Variants in LINGO2 observed in about 807,000 individuals in gnomAD.
The protein encoded by LINGO2 is leucine rich repeat and Ig domain containing 2.
In LINGO2, 14 loss-of-function variants were observed where a neutral mutation model predicts 30.6. The ratio of observed to expected loss-of-function variants is 0.46; its 90% CI spans 0.30 to 0.72. The LOEUF (loss-of-function observed/expected upper bound fraction) is 0.72, where lower values mean the gene tolerates loss of function less well. LINGO2 is among the 30% of genes least tolerant of loss of function. The probability of loss-of-function intolerance (pLI) is 0.07; values close to 1 mark genes in which losing one functional copy is unlikely to be tolerated. For synonymous variants in LINGO2, 317 were observed against 288.5 expected, an observed-to-expected ratio of 1.10 and a Z score of -1.00; for missense variants, 729 against 751.7, an observed-to-expected ratio of 0.97 and a Z score of 0.35.
downstream of LINGO2, among the ~76,000 whole-genome samples, chr9:27,946,224 G>A (rs780299688): frequency 6.6e-6 from 1 of 152,004 alleles, no homozygotes; most frequent in African/African-American, 2.4e-5. Context: ...GATTTATTAG[G>A]CTCATATAGA....
the LINGO2 span, among the ~76,000 whole-genome samples, chr9:28,862,242 T>C: frequency 6.6e-6 from 1 of 152,122 alleles, no homozygotes; most frequent in African/African-American, 2.4e-5. Flanking sequence ...TACAGTCCTA[T>C]GAAAAATAAG....
intron 4 of LINGO2, among the ~76,000 whole-genome samples, chr9:28,176,581 A>G (rs1367212947): frequency 6.6e-6 from 1 of 152,236 alleles, no homozygotes; most frequent in Non-Finnish European, 1.5e-5. Context: ...TGACATTAAT[A>G]TAACACTTCA....
At chr9:27,964,339 C>A (rs1430523142) in intron 5 of LINGO2, among the ~76,000 whole-genome samples, 2 of 152,044 alleles carry the variant, frequency 1.3e-5, no homozygotes, top group East Asian at 1.9e-4. Flanking sequence ...TTGTAAATAC[C>A]TTTCAATTAG....
In LINGO2 at chr9:28,391,565, C is replaced by T. The variant is rs1473768242; in HGVS notation, c.-278-18697G>A. ...ATTATTCTGTCTTGTCCTTGATTTTCCCCTTTTTCCTTCTTTTCACAATTT... is the reference window on the plus strand; with the variant it reads ...ATTATTCTGTCTTGTCCTTGATTTTTCCCTTTTTCCTTCTTTTCACAATTT... On this transcript the variant is annotated intron_variant, in intron 2 of 5. Transcript: ENST00000379992. Among the ~76,000 whole-genome samples, 6 of 151,268 alleles carry T rather than the reference C, an allele frequency of 4.0e-5. No homozygotes were observed. The East Asian group carries it at 1.2e-3, about 30-fold the overall frequency.
chr9:28,906,946 T>G, the LINGO2 span, among the ~76,000 whole-genome samples: 1 of 151,890 alleles, frequency 6.6e-6, no homozygotes, highest in African/African-American at 2.4e-5. Context: ...CCTAACCCAC[T>G]TTGGAAACTA....
the LINGO2 span, among the ~76,000 whole-genome samples, chr9:28,817,916 G>C: frequency 6.6e-6 from 1 of 152,096 alleles, no homozygotes; most frequent in Non-Finnish European, 1.5e-5. Flanking sequence ...TAGATAACTA[G>C]TTATATTTCT....
At chr9:28,243,384 T>A (rs1000845934) in intron 4 of LINGO2, among the ~76,000 whole-genome samples, 6 of 150,778 alleles carry the variant, frequency 4.0e-5, no homozygotes, top group Non-Finnish European at 7.4e-5. Flanking sequence ...TGCTTGAACC[T>A]GGGAGGCAGA....
At chr9:28,832,426 G>C in the LINGO2 span, among the ~76,000 whole-genome samples, 1 of 152,160 alleles carries the variant, frequency 6.6e-6, no homozygotes, top group African/African-American at 2.4e-5. Context: ...ACTAACACCA[G>C]TGATTCAACT....
chr9:28,218,361 C>T (rs139833403), intron 4 of LINGO2, among the ~76,000 whole-genome samples: 16 of 151,292 alleles, frequency 1.1e-4, no homozygotes, highest in African/African-American at 3.4e-4. Context: ...TATGCACTTA[C>T]GAAGTGGATC....
intron 4 of LINGO2, among the ~76,000 whole-genome samples, chr9:28,248,924 T>A (rs568905873): frequency 1.3e-5 from 2 of 152,208 alleles, no homozygotes; most frequent in South Asian, 4.1e-4. Context: ...AGAGAGTTAT[T>A]ATTAATCTAA....
At chr9:28,900,932 G>A in the LINGO2 span, among the ~76,000 whole-genome samples, 3 of 151,990 alleles carry the variant, frequency 2.0e-5, no homozygotes, top group Non-Finnish European at 2.9e-5. Flanking sequence ...AGTGACGAAA[G>A]TAAGAAATTG....
chr9:27,998,037 C>T (rs781218085), intron 5 of LINGO2, among the ~76,000 whole-genome samples: 1 of 152,128 alleles, frequency 6.6e-6, no homozygotes, highest in Non-Finnish European at 1.5e-5. Context: ...ATATAATGAG[C>T]TTGATACCCA....
At position 28,374,210 on chromosome 9, in the gene LINGO2, T is replaced by TA. The variant is rs1554713024; in HGVS notation, c.-278-1343_-278-1342insT. Among the ~76,000 whole-genome samples the TA allele has an allele frequency of 6.8e-3, 883 of 130,550 alleles. 5 individuals carry two copies. Among genetic ancestry groups the TA allele is most frequent in the Non-Finnish European group, 8.8e-3 (520 of 58,964 alleles). 85.6% of individuals were successfully genotyped at this position (130,550 alleles called of 152,430 possible). A position where few individuals can be genotyped will look rare whatever the true frequency, so the allele number is the denominator to read the frequency against. The stretch of plus-strand genomic sequence containing the variant: ...ACTTTTGTTAAAAATATGTTTTTAT[T>TA]TATATATATATATATATATATGTAA... On this transcript the variant is annotated intron_variant, in intron 2 of 5. Coordinates refer to ENST00000379992, the Ensembl canonical transcript of LINGO2.
chr9:29,170,496 C>T, the LINGO2 span, among the ~76,000 whole-genome samples: 1 of 152,132 alleles, frequency 6.6e-6, no homozygotes, highest in East Asian at 1.9e-4. Flanking sequence ...ATAATGTATA[C>T]TATTCAGGTA....
the LINGO2 span, among the ~76,000 whole-genome samples, chr9:28,941,470 T>C: frequency 6.6e-6 from 1 of 152,118 alleles, no homozygotes; most frequent in Non-Finnish European, 1.5e-5. Context: ...TCCAATTAAA[T>C]TATATAATAT....
At position 28,003,382 on chromosome 9, in the gene LINGO2, G is replaced by GATAT. The variant is rs1221269474; in HGVS notation, c.-36+8969_-36+8972dup. The stretch of plus-strand genomic sequence containing the variant: ...AGATAGATAGATAGATAGATAGATA[G>GATAT]ATATAGAGAGAGAGAGAGTTAGAGA... On this transcript the variant is annotated intron_variant, in intron 5 of 5. Coordinates refer to ENST00000379992, the Ensembl canonical transcript of LINGO2. Among the ~76,000 whole-genome samples, 333 of 137,078 alleles carry GATAT rather than the reference G, an allele frequency of 2.4e-3. 4 individuals carry two copies. Among genetic ancestry groups the GATAT allele is most frequent in the African/African-American group, 8.4e-3 (301 of 35,788 alleles). The allele number at this position is 137,078 out of a possible 152,430, so 89.9% of individuals were successfully genotyped here. A position where few individuals can be genotyped will look rare whatever the true frequency, so the allele number is the denominator to read the frequency against.
intron 1 of LINGO2, among the ~76,000 whole-genome samples, chr9:28,521,378 C>T (rs1311383649): frequency 6.6e-6 from 1 of 152,108 alleles, no homozygotes; most frequent in African/African-American, 2.4e-5. Context: ...TGTATGTAGA[C>T]AGGGTTCCTA....
intron 1 of LINGO2, among the ~76,000 whole-genome samples, chr9:28,642,986 G>A (rs1827668455): frequency 6.6e-6 from 1 of 151,922 alleles, no homozygotes; most frequent in Admixed American, 6.6e-5. Flanking sequence ...ACTGAAAAAA[G>A]TGAAATAGCT....
chr9:28,260,178 A>T (rs1350570742), intron 4 of LINGO2, among the ~76,000 whole-genome samples: 1 of 151,836 alleles, frequency 6.6e-6, no homozygotes, highest in East Asian at 1.9e-4. Context: ...CAGTTGTCCT[A>T]TGCATAACCA....
Sources: gnomAD v4.1 joint callset for allele counts (sites outside exome capture counted in the v4.1 genomes callset) on GRCh38, gnomAD v4.1.1 for gene constraint, MANE v1.5 for transcripts, NCBI Gene and HGNC (gene_info 2026-07-23, HGNC 2026-07-21) for gene names.